The following GAN variants were observed in gnomAD, a reference collection of about 807,000 sequenced individuals.
The protein encoded by GAN is gigaxonin.
A neutral mutation model predicts 71.3 loss-of-function variants in GAN; 48 were observed. The observed-to-expected ratio is 0.67, with a 90% CI of 0.53 to 0.86. The LOEUF is 0.86. GAN is among the 40% of genes least tolerant of loss of function. The pLI is 0.00. For synonymous variants in GAN, 386 were observed against 276.8 expected, an observed-to-expected ratio of 1.39 and a Z score of -3.92; for missense variants, 928 against 770.1, an observed-to-expected ratio of 1.21 and a Z score of -2.43.
intron 1 of GAN, among the ~76,000 whole-genome samples, chr16:81,338,813 C>T (rs1909850282): frequency 6.6e-6 from 1 of 152,186 alleles, no homozygotes; most frequent in South Asian, 2.1e-4. Flanking sequence ...TTGAGTGATG[C>T]TTACAGTCCA....
intron 1 of GAN, among the ~76,000 whole-genome samples, chr16:81,331,238 G>C (rs1224227073): frequency 6.6e-6 from 1 of 152,164 alleles, no homozygotes; most frequent in Non-Finnish European, 1.5e-5. Context: ...TGAGGAACGA[G>C]ATGCGAATTA....
chr16:81,348,225 A>AT (rs1266067862), intron 1 of GAN, among the ~76,000 whole-genome samples: 3 of 150,960 alleles, frequency 2.0e-5, no homozygotes, highest in Non-Finnish European at 3.0e-5. Context: ...ATTTAAAAAA[A>AT]TTTTTTTTTC....
At chr16:81,377,150 G>T in intron 9 of GAN, 69 bp from the exon 10 acceptor site, 1 of 943,442 alleles carries the variant, frequency 1.1e-6, no homozygotes, top group Non-Finnish European at 1.8e-6. Flanking sequence ...AGCTTGCTGT[G>T]TCAGTCTTCC....
At chr16:81,338,075 G>A (rs984642407) in intron 1 of GAN, among the ~76,000 whole-genome samples, 8 of 152,166 alleles carry the variant, frequency 5.3e-5, no homozygotes, top group Admixed American at 6.5e-5. Context: ...CAGCAGACGG[G>A]GCAGAGAGGG....
At chr16:81,331,546 AAAAG>A (rs755020174) in intron 1 of GAN, among the ~76,000 whole-genome samples, 4 of 152,162 alleles carry the variant, frequency 2.6e-5, no homozygotes, top group Non-Finnish European at 5.9e-5. Flanking sequence ...GTAGGTGAAA[AAAAG>A]AAAACCAAAT....
At chr16:81,352,618 C>G (rs981032150) in intron 2 of GAN, among the ~76,000 whole-genome samples, 2 of 152,224 alleles carry the variant, frequency 1.3e-5, no homozygotes, top group East Asian at 3.9e-4. Context: ...TCTAAGTATT[C>G]TGAATGTATT....
At chr16:81,322,778 G>C (rs148748339) in intron 1 of GAN, among the ~76,000 whole-genome samples, 1 of 152,220 alleles carries the variant, frequency 6.6e-6, no homozygotes, top group African/African-American at 2.4e-5. Flanking sequence ...AAATGGTTTA[G>C]TATTACTGAG....
In GAN at chr16:81,356,250, A is replaced by G. The variant is rs571856495; in HGVS notation, c.634-535A>G. The stretch of plus-strand genomic sequence containing the variant: ...GATTGAGCAGTAAAAGTGTAAATTC[A>G]TATTAGTCGTCTTAGATATTTTTGA... On this transcript the variant is annotated intron_variant, in intron 3 of 10. Transcript: ENST00000648994. Among the ~76,000 whole-genome samples, 127 of 152,264 alleles carry G rather than the reference A, an allele frequency of 8.3e-4. 1 individual carries two copies. The highest frequency in any genetic ancestry group is 1.2e-3 in the Admixed American group (19 of 15,300).
Position 81,315,152 on chromosome 16 carries a change from C to A in GAN, c.39C>A (p.Ala13=). ...EGSAVSDPQH[A]ARLLRALSSF... is the part of the protein sequence containing the mutation. ...GTGCCGTGTCTGACCCTCAGCACGC[C>A]GCGCGTCTGCTGCGAGCGCTCAGCT... The change falls in exon 1 of 11, where the codon GCC becomes GCA. Residue 13 remains alanine, a synonymous_variant. Coordinates refer to ENST00000648994, the MANE Select transcript of GAN (RefSeq NM_022041.4). 1 of 1,547,530 alleles carries A rather than the reference C, an allele frequency of 6.5e-7. No homozygotes were observed. The highest frequency in any genetic ancestry group is 2.6e-5 in the East Asian group (1 of 38,740).
In GAN at chr16:81,379,903, T is replaced by C. The variant is rs537767748; in HGVS notation, c.*2307T>C. Reference sequence around the variant, plus strand: ...ACCTGCATGACTTGGTAAATTCATTTTATAAAAATAGTGTTTTTTTTTTTT... The same window carrying C: ...ACCTGCATGACTTGGTAAATTCATTCTATAAAAATAGTGTTTTTTTTTTTT... On this transcript the variant is annotated 3_prime_UTR_variant, in exon 11 of 11. Coordinates refer to ENST00000648994, the MANE Select transcript of GAN (RefSeq NM_022041.4). 6.6e-5 allele frequency: 10 copies of C among 152,008 alleles called. No individual in the cohort carries two copies. The South Asian group carries it at 2.1e-3, about 32-fold the overall frequency. 9.4% of individuals were successfully genotyped at this position (152,008 alleles called of 1,614,324 possible). A position where few individuals can be genotyped will look rare whatever the true frequency, so the allele number is the denominator to read the frequency against.
At chr16:81,325,717 A>C (rs1434394394) in intron 1 of GAN, among the ~76,000 whole-genome samples, 1 of 152,206 alleles carries the variant, frequency 6.6e-6, no homozygotes, top group Non-Finnish European at 1.5e-5. Flanking sequence ...TGCTAATTGA[A>C]CATGAGAACT....
At position 81,320,737 on chromosome 16, in the gene GAN, C is replaced by G. The variant is rs535528593; in HGVS notation, c.167+5457C>G. ...CACACTTAAAATAAAATTGACATTA[C>G]CTGTTCCTTGTACTCTTATGGTGAT... On this transcript the variant is annotated intron_variant, in intron 1 of 10. Transcript: ENST00000648994. Among the ~76,000 whole-genome samples the G allele has an allele frequency of 3.9e-5, 6 of 152,200 alleles. No individual in the cohort carries two copies. In the East Asian group the frequency reaches 1.2e-3, roughly 29 times the overall value.
Position 81,380,691 on chromosome 16 carries a change from C to G in GAN, c.*3095C>G, listed in dbSNP as rs1904300481. ...CAGATAAATTCTTGAGCCTGTTGAC[C>G]TTCAGTTTATACTACTGTGTCGAAC... On this transcript the variant is annotated 3_prime_UTR_variant, in exon 11 of 11. Transcript: ENST00000648994. 1 of 152,080 alleles carries G rather than the reference C, an allele frequency of 6.6e-6. No homozygotes were observed. The highest frequency in any genetic ancestry group is 2.4e-5 in the African/African-American group (1 of 41,392). The allele number at this position is 152,080 out of a possible 1,614,324, so 9.4% of individuals were successfully genotyped here.
intron 9 of GAN, among the ~76,000 whole-genome samples, chr16:81,374,514 G>A (rs898761825): frequency 6.6e-6 from 1 of 152,134 alleles, no homozygotes; most frequent in African/African-American, 2.4e-5. Context: ...GAATTTTTCG[G>A]TAAAGGAAAC....
chr16:81,343,583 ACT>A (rs1910017677), intron 1 of GAN, among the ~76,000 whole-genome samples: 1 of 152,104 alleles, frequency 6.6e-6, no homozygotes, highest in African/African-American at 2.4e-5. Flanking sequence ...CATGGTAAAA[ACT>A]CTCAATAAAC....
intron 1 of GAN, among the ~76,000 whole-genome samples, chr16:81,348,521 C>T (rs1349388580): frequency 1.3e-5 from 2 of 152,192 alleles, no homozygotes; most frequent in Non-Finnish European, 2.9e-5. Flanking sequence ...GCCAAAAAAA[C>T]ATGTTGCAAG....
chr16:81,364,178 G>A (rs1910770990), intron 7 of GAN, among the ~76,000 whole-genome samples: 1 of 152,142 alleles, frequency 6.6e-6, no homozygotes, highest in Non-Finnish European at 1.5e-5. Context: ...ACCGCTGTGT[G>A]TCAAGCTCCA....
Position 81,347,014 on chromosome 16 carries a change from A to C in GAN, c.168-4569A>C, listed in dbSNP as rs148075796. On this transcript the variant is annotated intron_variant, in intron 1 of 10. Transcript: ENST00000648994. ...GGCTATATATGTTGATAACCAGCAC[A>C]GTGACTGAGAAATACAAATAGTCAT... is the stretch of plus-strand genomic sequence containing the variant. Among the ~76,000 whole-genome samples the C allele has an allele frequency of 9.0e-3, 1,378 of 152,352 alleles. 20 individuals carry two copies. The highest frequency in any genetic ancestry group is 0.031 in the African/African-American group (1,307 of 41,582).
chr16:81,361,845 C>T (rs1038681156), intron 5 of GAN, among the ~76,000 whole-genome samples: 2 of 152,186 alleles, frequency 1.3e-5, no homozygotes, highest in Non-Finnish European at 2.9e-5. Flanking sequence ...TAGACAAATA[C>T]CACAATGCCC....
Sources: gnomAD v4.1 joint callset for allele counts (sites outside exome capture counted in the v4.1 genomes callset) on GRCh38, gnomAD v4.1.1 for gene constraint, MANE v1.5 for transcripts, NCBI Gene and HGNC (gene_info 2026-07-23, HGNC 2026-07-21) for gene names.